Variants in MAST4 observed in about 807,000 individuals in gnomAD.
The protein encoded by MAST4 is microtubule-associated serine/threonine-protein kinase 4.
In MAST4, 89 loss-of-function variants were observed where a neutral mutation model predicts 162.7. That is an observed-to-expected ratio of 0.55 (90% CI 0.46 to 0.65). MAST4 has a LOEUF of 0.65. Ranked by LOEUF, MAST4 falls within the 30% of genes least tolerant of loss-of-function variation. MAST4 has a pLI of 0.00. For missense variants in MAST4, 3,153 were observed against 3,374.0 expected (o/e 0.93, Z 1.62); for synonymous variants, 1,479 against 1,361.1 (o/e 1.09, Z -1.91).
chr5:66,799,949 A>C (rs1010880768), intron 3 of MAST4, among the ~76,000 whole-genome samples: 1 of 152,176 alleles, frequency 6.6e-6, no homozygotes, highest in South Asian at 2.1e-4. Flanking sequence ...GAGGTCATAC[A>C]ACTGAGGATA....
intron 3 of MAST4, among the ~76,000 whole-genome samples, chr5:66,831,268 A>C (rs1293379050): frequency 6.6e-6 from 1 of 152,204 alleles, no homozygotes; most frequent in Non-Finnish European, 1.5e-5. Flanking sequence ...CAGTAAACCT[A>C]GTAAACATTT....
intron 1 of MAST4, among the ~76,000 whole-genome samples, chr5:66,664,895 G>T (rs1027755632): frequency 3.9e-5 from 6 of 152,162 alleles, no homozygotes; most frequent in African/African-American, 1.4e-4. Flanking sequence ...CTTAAAGGAA[G>T]ATTAGACTCA....
intron 3 of MAST4, among the ~76,000 whole-genome samples, chr5:66,804,869 A>C (rs1756107749): frequency 6.6e-6 from 1 of 152,196 alleles, no homozygotes; most frequent in South Asian, 2.1e-4. Context: ...CTTCATGGAA[A>C]TTTGATTATT....
At chr5:67,147,161 T>TTC (rs768604496) in intron 23 of MAST4, among the ~76,000 whole-genome samples, 138 of 150,304 alleles carry the variant, frequency 9.2e-4, no homozygotes, top group East Asian at 5.8e-3. Flanking sequence ...CACACCATCT[T>TTC]TCTCTCTCTC....
Position 67,112,266 on chromosome 5 carries a change from C to T in MAST4, c.1459-1821C>T, listed in dbSNP as rs1016560939. Among the ~76,000 whole-genome samples the T allele has an allele frequency of 2.6e-5, 4 of 152,164 alleles. No individual in the cohort carries two copies. The East Asian group carries it at 5.8e-4, about 22-fold the overall frequency. ...TTGGGCATAGAGGAAAAACCAAACT[C>T]GGTTTCTCCTGCTGTGCTCTCACAA... On this transcript the variant is annotated intron_variant, in intron 11 of 28. Transcript: ENST00000403625.
At chr5:66,770,121 C>A (rs771959654) in intron 2 of MAST4, among the ~76,000 whole-genome samples, 17 of 152,178 alleles carry the variant, frequency 1.1e-4, no homozygotes, top group Non-Finnish European at 1.9e-4. Flanking sequence ...TTCTGAGTCA[C>A]CAGGCAATAA....
chr5:66,682,699 G>A (rs773614148), intron 1 of MAST4, among the ~76,000 whole-genome samples: 3 of 152,234 alleles, frequency 2.0e-5, no homozygotes, highest in Non-Finnish European at 4.4e-5. Context: ...CTGAAGAGGT[G>A]AAGGGGTAGG....
At chr5:67,048,596 A>C (rs1410777640) in intron 4 of MAST4, among the ~76,000 whole-genome samples, 4 of 152,182 alleles carry the variant, frequency 2.6e-5, no homozygotes, top group Non-Finnish European at 5.9e-5. Flanking sequence ...TCATAGATGC[A>C]AAATTAGTAT....
At chr5:67,138,997 C>A (rs1366516297) in intron 19 of MAST4, among the ~76,000 whole-genome samples, 1 of 152,202 alleles carries the variant, frequency 6.6e-6, no homozygotes, top group Non-Finnish European at 1.5e-5. Flanking sequence ...CAAGTTACTT[C>A]TCTGCACATT....
intron 4 of MAST4, among the ~76,000 whole-genome samples, chr5:67,005,430 C>G (rs1298793605): frequency 1.3e-5 from 2 of 152,182 alleles, no homozygotes; most frequent in African/African-American, 4.8e-5. Flanking sequence ...TTCATTCACC[C>G]AGTCATTGAG....
Position 67,142,462 on chromosome 5 carries a change from G to T in MAST4, c.2659G>T (p.Asp887Tyr). The T allele has an allele frequency of 6.2e-7, 1 of 1,601,390 alleles. No individual in the cohort carries two copies. Among genetic ancestry groups the T allele is most frequent in the South Asian group, 1.1e-5 (1 of 88,372 alleles). ...TCATCATATGGAAACGGAGGAAGAAGATGACACAAATGATGAAGACTTTAA... is the reference window on the plus strand; with the variant it reads ...TCATCATATGGAAACGGAGGAAGAATATGACACAAATGATGAAGACTTTAA... The part of the protein sequence containing the change: ...KYHHMETEEE[D>Y]DTNDEDFNVE... The change falls in exon 21 of 29, where the codon GAT becomes TAT. Residue 887 changes from aspartate (D) to tyrosine (Y), a missense_variant. This residue lies in a region of MAST4 where 619 missense variants were observed against 744.2 expected (regional missense o/e 0.83). Coordinates refer to ENST00000403625, the MANE Select transcript of MAST4 (RefSeq NM_001164664.2).
chr5:67,090,146 T>A lies in MAST4; in HGVS notation c.764-16T>A, dbSNP rs1468274003. ...CAAAATCATGTAGTAAATTTCTCTC[T>A]TTTCTCTTTCTCTAGGAAATAGCCC... On this transcript the variant is annotated splice_polypyrimidine_tract_variant and intron_variant, in intron 5 of 28. Transcript: ENST00000403625. 1 of 1,578,700 alleles carries A rather than the reference T, an allele frequency of 6.3e-7. No individual in the cohort carries two copies. Among genetic ancestry groups the A allele is most frequent in the Admixed American group, 1.7e-5 (1 of 59,680 alleles).
intron 5 of MAST4, among the ~76,000 whole-genome samples, chr5:67,072,290 T>C (rs1217659935): frequency 2.6e-5 from 4 of 152,198 alleles, no homozygotes; most frequent in Non-Finnish European, 4.4e-5. Flanking sequence ...ACACTGTTAA[T>C]ACATCATAGC....
chr5:67,113,073 G>A (rs1766438154), intron 11 of MAST4, among the ~76,000 whole-genome samples: 1 of 152,172 alleles, frequency 6.6e-6, no homozygotes, highest in Admixed American at 6.5e-5. Flanking sequence ...CAGCACTTTG[G>A]GAGGCCAAGG....
chr5:66,877,753 A>G (rs1761403821), intron 3 of MAST4, among the ~76,000 whole-genome samples: 1 of 152,228 alleles, frequency 6.6e-6, no homozygotes, highest in Non-Finnish European at 1.5e-5. Context: ...ACCGAACAAG[A>G]TCAAGCAACA....
chr5:66,601,165 G>T (rs2149381977), intron 1 of MAST4, among the ~76,000 whole-genome samples: 1 of 152,322 alleles, frequency 6.6e-6, no homozygotes, highest in South Asian at 2.1e-4. Context: ...AAGCAAGCAA[G>T]AATTCAGCAA....
chr5:66,960,864 C>T (rs1280261805), intron 4 of MAST4, among the ~76,000 whole-genome samples: 3 of 152,138 alleles, frequency 2.0e-5, no homozygotes, highest in Admixed American at 6.6e-5. Flanking sequence ...AATTATGCCA[C>T]GAGTTTTATG....
intron 1 of MAST4, among the ~76,000 whole-genome samples, chr5:66,665,929 G>A (rs927944011): frequency 1.3e-4 from 20 of 152,178 alleles, no homozygotes; most frequent in Non-Finnish European, 2.5e-4. Flanking sequence ...TCTGGTTCTG[G>A]AAAAACCTAT....
At chr5:67,004,893 A>T (rs928981365) in intron 4 of MAST4, 2 of 634,522 alleles carry the variant, frequency 3.2e-6, no homozygotes, top group Non-Finnish European at 2.9e-6. Flanking sequence ...GATAATTGGG[A>T]TTTTTTTTTT....
Sources: allele counts gnomAD v4.1 joint callset (sites outside exome capture counted in the v4.1 genomes callset), GRCh38; gene constraint gnomAD v4.1.1; regional missense constraint gnomAD v4.1.1; transcripts MANE v1.5; gene names NCBI Gene and HGNC (gene_info 2026-07-23, HGNC 2026-07-21).